Variants in NUP133 observed in about 807,000 individuals in gnomAD.
The protein encoded by NUP133 is nucleoporin 133.
In NUP133, 66 loss-of-function variants were observed where a neutral mutation model predicts 146.2. The observed-to-expected ratio is 0.45, with a 90% CI of 0.37 to 0.55. The LOEUF (loss-of-function observed/expected upper bound fraction) is 0.55, where lower values mean the gene tolerates loss of function less well. Among genes scored for constraint, NUP133 ranks in the 20% least tolerant of loss-of-function variants. The pLI is 0.00. For missense variants in NUP133, 1,277 were observed against 1,374.8 expected (o/e 0.93, Z 1.12); for synonymous variants, 521 against 498.8 (o/e 1.04, Z -0.59).
chr1:229,449,064 G>C, intron 24 of NUP133, 62 bp downstream of exon 24: 1 of 1,212,360 alleles, frequency 8.2e-7, no homozygotes, highest in South Asian at 1.2e-5. Flanking sequence ...ACTGTCATGT[G>C]GTGAGAGCAG....
chr1:229,471,932 T>G (rs938003449), intron 14 of NUP133, among the ~76,000 whole-genome samples: 1 of 152,196 alleles, frequency 6.6e-6, no homozygotes, highest in Non-Finnish European at 1.5e-5. Context: ...CACTGAATCC[T>G]AATGTATTTA....
chr1:229,452,410 T>C (rs1454435766), intron 22 of NUP133, 115 bp downstream of exon 22: 1 of 695,588 alleles, frequency 1.4e-6, no homozygotes, highest in Non-Finnish European at 2.2e-6. Context: ...GGGAGTTTTC[T>C]GGAAGGTAGG....
chr1:229,485,986 G>T (rs1474123199), intron 11 of NUP133, among the ~76,000 whole-genome samples: 1 of 152,058 alleles, frequency 6.6e-6, no homozygotes, highest in Non-Finnish European at 1.5e-5. Context: ...AACATAAGGA[G>T]ATCCTGTCTC....
Position 229,450,611 on chromosome 1 carries a change from A to T in NUP133, c.3100-6T>A, listed in dbSNP as rs1382764585. ...TTTTCTTCACAGATATATAGCTATG[A>T]CAAGTTAAAATAAGGTAGAAGATTA... On this transcript the variant is annotated splice_region_variant and splice_polypyrimidine_tract_variant and intron_variant, in intron 22 of 25. Coordinates refer to ENST00000261396, the MANE Select transcript of NUP133 (RefSeq NM_018230.3). The T allele has an allele frequency of 7.0e-7, 1 of 1,429,386 alleles. No homozygotes were observed. The highest frequency in any genetic ancestry group is 1.9e-5 in the Admixed American group (1 of 51,770). The allele number at this position is 1,429,386 out of a possible 1,614,324, so 88.5% of individuals were successfully genotyped here. A position where few individuals can be genotyped will look rare whatever the true frequency, so the allele number is the denominator to read the frequency against.
intron 14 of NUP133, among the ~76,000 whole-genome samples, chr1:229,471,897 T>C (rs979356131): frequency 6.6e-6 from 1 of 152,228 alleles, no homozygotes; most frequent in Non-Finnish European, 1.5e-5. Flanking sequence ...TAGATATTCT[T>C]ATTTTTAATG....
rs1660478875 is a variant in NUP133, at chr1:229,452,657, T to C, written c.2981-14A>G. 2 of 1,571,548 alleles carry C rather than the reference T, an allele frequency of 1.3e-6. No individual in the cohort carries two copies. Among genetic ancestry groups the C allele is most frequent in the South Asian group, 1.1e-5 (1 of 88,954 alleles). ...GCTCAGCCATTTCTAGTATTCAAGA[T>C]GAGAGGGAGGGAAAGAGAATATGAT... On this transcript the variant is annotated splice_polypyrimidine_tract_variant and intron_variant, in intron 21 of 25. Coordinates refer to ENST00000261396, the MANE Select transcript of NUP133 (RefSeq NM_018230.3).
At chr1:229,505,624 C>T (rs1248052590) in intron 2 of NUP133, among the ~76,000 whole-genome samples, 4 of 148,320 alleles carry the variant, frequency 2.7e-5, no homozygotes, top group African/African-American at 5.0e-5. Flanking sequence ...TGGTGGCTCA[C>T]GCCTGTAATC....
Position 229,458,394 on chromosome 1 carries a change from G to A in NUP133, c.2845-98C>T, listed in dbSNP as rs185465701. ...CAAACTTGTTTTTCTCCCCTAAGCCGTATCAATGAATGAGAAGTCAACAGT... is the reference window on the plus strand; with the variant it reads ...CAAACTTGTTTTTCTCCCCTAAGCCATATCAATGAATGAGAAGTCAACAGT... On this transcript the variant is annotated intron_variant, in intron 20 of 25. Coordinates refer to ENST00000261396, the MANE Select transcript of NUP133 (RefSeq NM_018230.3). 1.5e-4 allele frequency: 177 copies of A among 1,191,838 alleles called. 1 individual carries two copies. The African/African-American group carries it at 1.8e-3, about 12-fold the overall frequency. 73.8% of individuals were successfully genotyped at this position (1,191,838 alleles called of 1,614,324 possible). A position where few individuals can be genotyped will look rare whatever the true frequency, so the allele number is the denominator to read the frequency against.
chr1:229,489,945 T>TA lies in NUP133; in HGVS notation c.1194+9dup. 1.3e-6 allele frequency: 2 copies of TA among 1,573,636 alleles called. No individual in the cohort carries two copies. Among genetic ancestry groups the TA allele is most frequent in the Non-Finnish European group, 1.7e-6 (2 of 1,157,878 alleles). ...TTATTGCTTTGTAATTTAACCAATA[T>TA]AAATCTTACCTGAAAAGGTGGATTA... is the stretch of plus-strand genomic sequence containing the variant. On this transcript the variant is annotated intron_variant, in intron 9 of 25. Transcript: ENST00000261396.
At chr1:229,451,843 C>A (rs746350039) in intron 22 of NUP133, among the ~76,000 whole-genome samples, 2 of 152,150 alleles carry the variant, frequency 1.3e-5, no homozygotes, top group Non-Finnish European at 2.9e-5. Context: ...AAAATCGGCA[C>A]TACTTTTTTC....
chr1:229,455,753 A>G (rs997754705), intron 21 of NUP133, among the ~76,000 whole-genome samples: 1 of 152,126 alleles, frequency 6.6e-6, no homozygotes, highest in Non-Finnish European at 1.5e-5. Flanking sequence ...ATGACATTTC[A>G]TTTCTAAATA....
chr1:229,506,320 A>C (rs1661935118), intron 1 of NUP133, among the ~76,000 whole-genome samples, 162 bp from the exon 2 acceptor site: 1 of 152,050 alleles, frequency 6.6e-6, no homozygotes, highest in South Asian at 2.1e-4. Context: ...TAAAAAAAAA[A>C]CAAAACAGGA....
intron 24 of NUP133, among the ~76,000 whole-genome samples, chr1:229,446,996 C>T (rs530766376): frequency 1.3e-3 from 192 of 152,026 alleles, no homozygotes; most frequent in Middle Eastern, 3.4e-3. Flanking sequence ...TGGTGGTACA[C>T]GCCTGCAATC....
intron 12 of NUP133, among the ~76,000 whole-genome samples, chr1:229,483,266 T>C (rs2102771894): frequency 6.6e-6 from 1 of 152,250 alleles, no homozygotes; most frequent in East Asian, 1.9e-4. Context: ...CCCGGCTAAT[T>C]ATTTTTAAAA....
At position 229,452,540 on chromosome 1, in the gene NUP133, T is replaced by C; in HGVS notation, c.3084A>G (p.Ala1028=). Residue 1028 remains alanine, a synonymous_variant, in exon 22 of 26, where the codon GCA becomes GCG. Coordinates refer to ENST00000261396, the MANE Select transcript of NUP133 (RefSeq NM_018230.3). ...AAGCACATACACCAATGAGTTGTGG[T>C]GCAGTCAATACTGGCATCGCACTGA... ...LNLSAMPVLT[A]PQLIGLYICE... 6.2e-7 allele frequency: 1 copy of C among 1,613,234 alleles called. No individual in the cohort carries two copies. The highest frequency in any genetic ancestry group is 8.5e-7 in the Non-Finnish European group (1 of 1,179,244).
intron 14 of NUP133, among the ~76,000 whole-genome samples, chr1:229,472,729 T>TATATATATATATATATATATATATAC (rs1558097685): frequency 4.7e-5 from 7 of 147,924 alleles, no homozygotes; most frequent in African/African-American, 1.5e-4. Context: ...TATATATATG[T>TATATATATATATATATATATATATAC]ACAATCATTC....
chr1:229,486,065 G>C (rs865881064), intron 11 of NUP133, among the ~76,000 whole-genome samples: 26 of 152,188 alleles, frequency 1.7e-4, no homozygotes, highest in Non-Finnish European at 4.4e-5. Flanking sequence ...AGGAAGTTAA[G>C]AGGGGAGGAC....
chr1:229,450,629 G>A (rs1225555481), intron 22 of NUP133, 24 bp from the exon 23 acceptor site: 7 of 1,236,274 alleles, frequency 5.7e-6, no homozygotes, highest in Non-Finnish European at 5.8e-6. Flanking sequence ...AAATAAGGTA[G>A]AAGATTATAC....
chr1:229,459,165 G>A (rs892489215), intron 20 of NUP133, among the ~76,000 whole-genome samples: 1 of 151,924 alleles, frequency 6.6e-6, no homozygotes, highest in Non-Finnish European at 1.5e-5. Context: ...TTGTTCTCTT[G>A]GAAATTCTAA....
Sources: gnomAD v4.1 joint callset for allele counts (sites outside exome capture counted in the v4.1 genomes callset) on GRCh38, gnomAD v4.1.1 for gene constraint, MANE v1.5 for transcripts, NCBI Gene and HGNC (gene_info 2026-07-23, HGNC 2026-07-21) for gene names.